The following EPG5 variants were observed in gnomAD, a reference collection of about 807,000 sequenced individuals.
The protein encoded by EPG5 is ectopic P-granules 5 autophagy tethering factor.
A neutral mutation model predicts 302.7 loss-of-function variants in EPG5; 159 were observed. The observed-to-expected ratio is 0.53, with a 90% CI of 0.46 to 0.60. The LOEUF (loss-of-function observed/expected upper bound fraction) is 0.60, where lower values mean the gene tolerates loss of function less well. Ranked by LOEUF, EPG5 falls within the 20% of genes least tolerant of loss-of-function variation. The pLI, the probability that EPG5 is intolerant of heterozygous loss-of-function variation, is 0.00. For missense variants in EPG5, 2,896 were observed against 3,092.4 expected (o/e 0.94, Z 1.51); for synonymous variants, 1,158 against 1,136.8 (o/e 1.02, Z -0.37).
intron 12 of EPG5, among the ~76,000 whole-genome samples, chr18:45,929,308 T>C (rs2050348009): frequency 6.6e-6 from 1 of 152,160 alleles, no homozygotes; most frequent in African/African-American, 2.4e-5. Context: ...GTTTCAAAAC[T>C]TTTCTAAATC....
chr18:45,801,921 G>A, the EPG5 span, among the ~76,000 whole-genome samples: 1 of 152,140 alleles, frequency 6.6e-6, no homozygotes, highest in Non-Finnish European at 1.5e-5. Context: ...CCACCCTAGG[G>A]AGGGCTGAGC....
Position 45,907,949 on chromosome 18 carries a change from TA to T in EPG5, c.4329+8del. On this transcript the variant is annotated splice_region_variant and intron_variant, in intron 24 of 43. Coordinates refer to ENST00000282041, the MANE Select transcript of EPG5 (RefSeq NM_020964.3). Reference sequence around the variant, plus strand: ...AAAAAAAAAAAAAAAAGGAGGGCTATAATTTCACCTGCTGATTCTGCATCAC... The same window carrying T: ...AAAAAAAAAAAAAAAAGGAGGGCTATATTTCACCTGCTGATTCTGCATCAC... The T allele has an allele frequency of 6.5e-7, 1 of 1,532,746 alleles. No homozygotes were observed. The highest frequency in any genetic ancestry group is 8.7e-7 in the Non-Finnish European group (1 of 1,146,946). The allele number at this position is 1,532,746 out of a possible 1,614,324, so 94.9% of individuals were successfully genotyped here. A position where few individuals can be genotyped will look rare whatever the true frequency, so the allele number is the denominator to read the frequency against.
At chr18:45,839,232 T>C in the EPG5 span, 13 of 1,207,760 alleles carry the variant, frequency 1.1e-5, no homozygotes, top group South Asian at 1.9e-4. Context: ...CGCTTTCCTC[T>C]CTTTGCATGA....
chr18:45,947,702 G>A (rs969540428), intron 6 of EPG5, among the ~76,000 whole-genome samples: 6 of 151,836 alleles, frequency 4.0e-5, no homozygotes, highest in African/African-American at 1.5e-4. Context: ...CCTGTGTTGG[G>A]GCCTTTGCTC....
intron 13 of EPG5, among the ~76,000 whole-genome samples, chr18:45,928,057 A>G (rs547377467): frequency 5.9e-4 from 90 of 152,124 alleles, no homozygotes; most frequent in African/African-American, 2.0e-3. Context: ...TTAGCTGGGC[A>G]TGGTGGCGGG....
chr18:45,902,249 A>G (rs1187125988), intron 25 of EPG5, among the ~76,000 whole-genome samples: 2 of 152,244 alleles, frequency 1.3e-5, no homozygotes, highest in African/African-American at 4.8e-5. Flanking sequence ...ATGGAATTCA[A>G]CATTTCAAAT....
chr18:45,885,126 G>T (rs1201248883), intron 29 of EPG5, among the ~76,000 whole-genome samples: 1 of 152,134 alleles, frequency 6.6e-6, no homozygotes, highest in Non-Finnish European at 1.5e-5. Context: ...ATCACCTGAG[G>T]TCAGGAGCTC....
chr18:45,942,907 C>G (rs1219985145), intron 9 of EPG5, among the ~76,000 whole-genome samples: 1 of 152,190 alleles, frequency 6.6e-6, no homozygotes, highest in Non-Finnish European at 1.5e-5. Flanking sequence ...TTCAACCCAG[C>G]AACAGCTTTG....
In EPG5 at chr18:45,884,645, C is replaced by T; in HGVS notation, c.5276G>A (p.Ser1759Asn). Residue 1759 changes from serine to asparagine, a missense_variant, in exon 30 of 44, where the codon AGT becomes AAT. Ser to Asn is a conservative substitution (Grantham distance 46). Transcript: ENST00000282041. Reference protein sequence around the residue: ...QVVKFLSEDNSDMIFMLLTKF... With the variant: ...QVVKFLSEDNNDMIFMLLTKF... ...GGTTAGCAGCATGAAAATCATATCACTGTTGTCCTCACTTAGAAACTTCAC... is the reference window on the plus strand; with the variant it reads ...GGTTAGCAGCATGAAAATCATATCATTGTTGTCCTCACTTAGAAACTTCAC... The T allele has an allele frequency of 6.2e-7, 1 of 1,608,110 alleles. No homozygotes were observed. Among genetic ancestry groups the T allele is most frequent in the Non-Finnish European group, 8.5e-7 (1 of 1,178,162 alleles).
chr18:45,841,423 G>A, the EPG5 span, among the ~76,000 whole-genome samples: 48 of 152,322 alleles, frequency 3.2e-4, no homozygotes, highest in African/African-American at 1.1e-3. Flanking sequence ...CAGGAAAGGC[G>A]TGGGGGTTAT....
At chr18:45,933,154 G>T (rs2050434518) in intron 11 of EPG5, among the ~76,000 whole-genome samples, 1 of 152,180 alleles carries the variant, frequency 6.6e-6, no homozygotes, top group Admixed American at 6.5e-5. Flanking sequence ...GACAATGGCT[G>T]TGAGACCTCT....
In EPG5 at chr18:45,930,736, C is replaced by G; in HGVS notation, c.2352G>C (p.Gln784His). 6.2e-7 allele frequency: 1 copy of G among 1,610,944 alleles called. No homozygotes were observed. The highest frequency in any genetic ancestry group is 8.5e-7 in the Non-Finnish European group (1 of 1,178,944). Residue 784 changes from glutamine (Q) to histidine (H), a missense_variant, in exon 12 of 44, where the codon CAG becomes CAC. Gln to His is a conservative substitution (Grantham distance 24). Coordinates refer to ENST00000282041, the MANE Select transcript of EPG5 (RefSeq NM_020964.3). Reference protein sequence around the residue: ...CLLTTFAQMAQARRTNVDEDF... With the variant: ...CLLTTFAQMAHARRTNVDEDF... ...CTTCGTCCACATTGGTTCTTCTGGC[C>G]TGAGCCATCTGAGCAAAGGTAGTCA...
At chr18:45,858,475 G>T in intron 41 of EPG5, 91 bp downstream of exon 41, 1 of 932,656 alleles carries the variant, frequency 1.1e-6, no homozygotes, top group Non-Finnish European at 1.7e-6. Context: ...TGCACCTCTT[G>T]GTTCTGTGTA....
At position 45,913,735 on chromosome 18, in the gene EPG5, A is replaced by T; in HGVS notation, c.3787T>A (p.Ser1263Thr). Residue 1263 changes from serine (S) to threonine (T), a missense_variant, in exon 21 of 44, where the codon TCT (serine) becomes ACT (threonine). Coordinates refer to ENST00000282041, the MANE Select transcript of EPG5 (RefSeq NM_020964.3). The stretch of plus-strand genomic sequence containing the variant: ...AGAGCTTGGTCAGGGGTGAAAGCAG[A>T]GTTTATCACCAATTCCCCTTCAATA... ...RVIEGELVIN[S>T]AFTPDQALKK... is the part of the protein sequence containing the mutation. 1 of 1,614,132 alleles carries T rather than the reference A, an allele frequency of 6.2e-7. No individual in the cohort carries two copies. The highest frequency in any genetic ancestry group is 8.5e-7 in the Non-Finnish European group (1 of 1,179,988).
intron 10 of EPG5, among the ~76,000 whole-genome samples, chr18:45,938,091 C>T (rs867172916): frequency 8.5e-5 from 13 of 152,138 alleles, no homozygotes; most frequent in African/African-American, 3.1e-4. Flanking sequence ...TGCACTGATG[C>T]CCTGACACAG....
intron 23 of EPG5, among the ~76,000 whole-genome samples, chr18:45,909,919 C>T (rs1667448839): frequency 6.6e-6 from 1 of 152,164 alleles, no homozygotes; most frequent in African/African-American, 2.4e-5. Context: ...ATAATCGTGC[C>T]TATGAATAGC....
chr18:45,926,211 G>A (rs531360098), intron 13 of EPG5, among the ~76,000 whole-genome samples: 7 of 152,096 alleles, frequency 4.6e-5, no homozygotes, highest in African/African-American at 1.2e-4. Context: ...ATGATAAATC[G>A]GGGGACGGCT....
intron 27 of EPG5, among the ~76,000 whole-genome samples, chr18:45,892,317 T>C (rs920262266): frequency 6.6e-6 from 1 of 152,224 alleles, no homozygotes; most frequent in African/African-American, 2.4e-5. Flanking sequence ...GTGAGAGCAA[T>C]GGAATGTCTA....
At chr18:45,856,289 C>T (rs2048514383) in intron 42 of EPG5, among the ~76,000 whole-genome samples, 1 of 152,150 alleles carries the variant, frequency 6.6e-6, no homozygotes, top group South Asian at 2.1e-4. Context: ...AAAAGTCCAA[C>T]ATAAGGGGCC....
Sources: allele counts gnomAD v4.1 joint callset (sites outside exome capture counted in the v4.1 genomes callset), GRCh38; gene constraint gnomAD v4.1.1; transcripts MANE v1.5; gene names NCBI Gene and HGNC (gene_info 2026-07-23, HGNC 2026-07-21).